The following ADAM12 variants were observed in gnomAD, a reference collection of about 807,000 sequenced individuals.
ADAM12 encodes ADAM metallopeptidase domain 12.
ADAM12 carries 70 observed loss-of-function variants against 106.4 expected under a neutral mutation model. That is an observed-to-expected ratio of 0.66 (90% CI 0.54 to 0.80). The LOEUF (loss-of-function observed/expected upper bound fraction) is 0.80, where lower values mean the gene tolerates loss of function less well. Ranked by LOEUF, ADAM12 falls within the 30% of genes least tolerant of loss-of-function variation. The probability of loss-of-function intolerance (pLI) is 0.00; values close to 1 mark genes in which losing one functional copy is unlikely to be tolerated. For synonymous variants in ADAM12, 420 were observed against 433.5 expected, an observed-to-expected ratio of 0.97 and a Z score of 0.39; for missense variants, 1,010 against 1,171.9, an observed-to-expected ratio of 0.86 and a Z score of 2.02.
At chr10:126,186,622 G>A (rs1957403567) in intron 3 of ADAM12, among the ~76,000 whole-genome samples, 1 of 152,072 alleles carries the variant, frequency 6.6e-6, no homozygotes, top group African/African-American at 2.4e-5. Flanking sequence ...TGAGTGTGGG[G>A]GCAGTGGGCC....
chr10:126,253,033 A>T (rs1356496549), intron 3 of ADAM12, among the ~76,000 whole-genome samples: 1 of 152,172 alleles, frequency 6.6e-6, no homozygotes, highest in Non-Finnish European at 1.5e-5. Context: ...GTTCTATTAT[A>T]GCTACTGTCA....
intron 2 of ADAM12, among the ~76,000 whole-genome samples, chr10:126,301,024 G>A (rs1960599234): frequency 6.6e-6 from 1 of 152,192 alleles, no homozygotes; most frequent in African/African-American, 2.4e-5. Flanking sequence ...TGCCCCCCAG[G>A]GAACATGTGG....
In ADAM12 at chr10:126,153,864, G is replaced by A. The variant is rs557999703; in HGVS notation, c.339+1363C>T. Among the ~76,000 whole-genome samples, 5 of 152,292 alleles carry A rather than the reference G, an allele frequency of 3.3e-5. No individual in the cohort carries two copies. In the East Asian group the frequency reaches 7.7e-4, roughly 23 times the overall value. ...TCTTGACTGGGAATTCCATTCCTAC[G>A]CTGGTATTAAAAATTTGGACACAGG... On this transcript the variant is annotated intron_variant, in intron 4 of 22. Coordinates refer to ENST00000448723, the MANE Select transcript of ADAM12 (RefSeq NM_001288973.2).
At chr10:126,292,642 C>T (rs996203542) in intron 2 of ADAM12, among the ~76,000 whole-genome samples, 4 of 152,170 alleles carry the variant, frequency 2.6e-5, no homozygotes, top group African/African-American at 9.7e-5. Context: ...TGTAATGGAA[C>T]AGATAATAAA....
At chr10:126,253,044 C>T (rs1005979472) in intron 3 of ADAM12, among the ~76,000 whole-genome samples, 7 of 152,236 alleles carry the variant, frequency 4.6e-5, no homozygotes, top group African/African-American at 1.4e-4. Context: ...GCTACTGTCA[C>T]ATAACAGGAC....
chr10:126,039,042 C>T (rs919289964), intron 19 of ADAM12, among the ~76,000 whole-genome samples: 1 of 139,998 alleles, frequency 7.1e-6, no homozygotes, highest in Admixed American at 7.8e-5. Flanking sequence ...TCACTGCAAG[C>T]TCCGCCTCCC....
chr10:126,234,037 G>A (rs879546321), intron 3 of ADAM12, among the ~76,000 whole-genome samples: 16 of 152,148 alleles, frequency 1.1e-4, no homozygotes, highest in Admixed American at 3.3e-4. Context: ...GGCTGTAGCC[G>A]GGCCTCCCGA....
chr10:126,358,447 C>A (rs1224228302), intron 1 of ADAM12, among the ~76,000 whole-genome samples: 1 of 152,120 alleles, frequency 6.6e-6, no homozygotes, highest in East Asian at 1.9e-4. Flanking sequence ...ATTCAATATC[C>A]TTTTATGATA....
intron 1 of ADAM12, among the ~76,000 whole-genome samples, chr10:126,332,786 C>A (rs953809828): frequency 3.3e-5 from 5 of 152,178 alleles, no homozygotes; most frequent in Admixed American, 6.5e-5. Context: ...AGGGACGCAT[C>A]GGCCGGTTTC....
intron 3 of ADAM12, among the ~76,000 whole-genome samples, chr10:126,203,389 T>C (rs573459803): frequency 2.6e-4 from 39 of 152,362 alleles, no homozygotes; most frequent in Admixed American, 4.6e-4. Flanking sequence ...AAGGTAAATA[T>C]TGCAACAGAC....
chr10:126,305,964 T>C (rs1447212946), intron 2 of ADAM12, among the ~76,000 whole-genome samples: 2 of 152,016 alleles, frequency 1.3e-5, no homozygotes, highest in Non-Finnish European at 2.9e-5. Flanking sequence ...GTTCTATATT[T>C]ATATATACTT....
chr10:126,038,764 A>T (rs1270271140), intron 19 of ADAM12, among the ~76,000 whole-genome samples: 1 of 152,134 alleles, frequency 6.6e-6, no homozygotes, highest in Non-Finnish European at 1.5e-5. Flanking sequence ...ACACCCTGCT[A>T]GCTTATGTAA....
chr10:126,325,973 CTT>C (rs1449282761), intron 2 of ADAM12, among the ~76,000 whole-genome samples: 2 of 152,238 alleles, frequency 1.3e-5, no homozygotes, highest in Non-Finnish European at 1.5e-5. Flanking sequence ...AGGTCACCTC[CTT>C]TCCTGTCCCT....
chr10:126,315,191 T>A (rs932621954), intron 2 of ADAM12, among the ~76,000 whole-genome samples: 1 of 152,240 alleles, frequency 6.6e-6, no homozygotes, highest in Non-Finnish European at 1.5e-5. Flanking sequence ...TTGTAGCTAG[T>A]CAGCTTTCAC....
At chr10:126,156,108 C>A (rs762732034) in intron 3 of ADAM12, among the ~76,000 whole-genome samples, 1 of 152,108 alleles carries the variant, frequency 6.6e-6, no homozygotes, top group Non-Finnish European at 1.5e-5. Context: ...GTGTAACTAC[C>A]GCTGCCAGGT....
At chr10:126,375,780 G>A (rs1856269247) in intron 1 of ADAM12, among the ~76,000 whole-genome samples, 1 of 149,774 alleles carries the variant, frequency 6.7e-6, no homozygotes, top group South Asian at 2.1e-4. Context: ...CAGGGTCAGG[G>A]TCTCACTGTG....
At chr10:126,350,943 C>T (rs1045683184) in intron 1 of ADAM12, among the ~76,000 whole-genome samples, 2 of 152,164 alleles carry the variant, frequency 1.3e-5, no homozygotes, top group African/African-American at 2.4e-5. Context: ...CTTCCCCTGT[C>T]CAGGCTCTCC....
At chr10:126,318,463 GACATTCACACTCAC>G (rs1853966871) in intron 2 of ADAM12, among the ~76,000 whole-genome samples, 1 of 151,272 alleles carries the variant, frequency 6.6e-6, no homozygotes, top group East Asian at 1.9e-4. Flanking sequence ...CTCATGCAGT[GACATTCACACTCAC>G]ACATTCACAC....
intron 2 of ADAM12, among the ~76,000 whole-genome samples, chr10:126,313,537 T>C (rs558378234): frequency 6.6e-6 from 1 of 152,218 alleles, no homozygotes; most frequent in Non-Finnish European, 1.5e-5. Context: ...AAGATGACCA[T>C]ATAAAAGGGT....
Sources: gnomAD v4.1 joint callset for allele counts (sites outside exome capture counted in the v4.1 genomes callset) on GRCh38, gnomAD v4.1.1 for gene constraint, MANE v1.5 for transcripts, NCBI Gene and HGNC (gene_info 2026-07-23, HGNC 2026-07-21) for gene names.